The following MUC12 variants were observed in gnomAD, a reference collection of about 807,000 sequenced individuals.
MUC12 encodes mucin 12, cell surface associated, also known as mucin-12.
MUC12 carries 172 observed loss-of-function variants against 230.8 expected under a neutral mutation model. That is an observed-to-expected ratio of 0.75 (90% CI 0.66 to 0.85). The LOEUF is 0.85. Ranked by LOEUF, MUC12 falls within the 40% of genes least tolerant of loss-of-function variation. The pLI, the probability that MUC12 is intolerant of heterozygous loss-of-function variation, is 0.00. For synonymous variants in MUC12, 1,259 were observed against 2,401.9 expected (o/e 0.52, Z 13.91); for missense variants, 3,506 against 5,920.6 (o/e 0.59, Z 13.38).
chr7:100,995,828 C>G lies in MUC12; in HGVS notation c.5265C>G (p.Pro1755=). The G allele has an allele frequency of 4.1e-6, 6 of 1,469,760 alleles. No homozygotes were observed. The highest frequency in any genetic ancestry group is 5.5e-6 in the Non-Finnish European group (6 of 1,095,654). 91.0% of individuals were successfully genotyped at this position (1,469,760 alleles called of 1,614,324 possible). Reference sequence around the variant, plus strand: ...GCCCAGTTGCAACTGCAACAACACCCTCGCCTGCCCGCTCCACAACCTCAG... The same window carrying G: ...GCCCAGTTGCAACTGCAACAACACCGTCGCCTGCCCGCTCCACAACCTCAG... The part of the protein sequence containing the change: ...HSSPVATATT[P]SPARSTTSGL... The change falls in exon 2 of 12, where the codon CCC becomes CCG. Residue 1755 remains proline (P), a synonymous_variant. Transcript: ENST00000536621.
chr7:101,008,307 G>A (rs958741732), intron 3 of MUC12, among the ~76,000 whole-genome samples: 2 of 151,200 alleles, frequency 1.3e-5, no homozygotes, highest in African/African-American at 2.4e-5. Flanking sequence ...TTTTATTTTC[G>A]TGGAGACAGG....
chr7:100,980,068 G>A (rs888879104), intron 1 of MUC12, among the ~76,000 whole-genome samples: 2 of 150,750 alleles, frequency 1.3e-5, no homozygotes, highest in African/African-American at 4.9e-5. Context: ...TTTTTTAGAT[G>A]AGTCTCGCTC....
Position 100,990,621 on chromosome 7 carries a change from C to A in MUC12, c.68-10C>A. 2 of 1,537,326 alleles carry A rather than the reference C, an allele frequency of 1.3e-6. No homozygotes were observed. The highest frequency in any genetic ancestry group is 1.7e-6 in the Non-Finnish European group (2 of 1,146,902). ...TCATAGCACTTTCTCTGGTTTCTCT[C>A]AAATCACAGGCTCAACAGTAAACAC... On this transcript the variant is annotated splice_polypyrimidine_tract_variant and intron_variant, in intron 1 of 11. Coordinates refer to ENST00000536621, the MANE Select transcript of MUC12 (RefSeq NM_001164462.2).
intron 1 of MUC12, among the ~76,000 whole-genome samples, chr7:100,986,714 TCTC>T (rs1793196935): frequency 6.6e-6 from 1 of 152,004 alleles, no homozygotes; most frequent in South Asian, 2.1e-4. Flanking sequence ...GACTGAACCG[TCTC>T]CTCTGCCAGG....
chr7:100,984,782 G>C (rs1286881127), intron 1 of MUC12, among the ~76,000 whole-genome samples: 4 of 152,172 alleles, frequency 2.6e-5, no homozygotes, highest in African/African-American at 4.8e-5. Flanking sequence ...TTATGTTAAA[G>C]ATACTTTTTC....
chr7:101,006,552 C>A lies in MUC12; in HGVS notation c.15038C>A (p.Pro5013His). 2.0e-6 allele frequency: 3 copies of A among 1,536,844 alleles called. No homozygotes were observed. Among genetic ancestry groups the A allele is most frequent in the Non-Finnish European group, 1.7e-6 (2 of 1,146,552 alleles). The part of the protein sequence containing the change: ...QGYVGYQCLS[P>H]LESFPVETPE... ...TACGTTGGTTACCAGTGCTTGTCCCCTCTGGAATCCTTCCCTGTAGGTAAT... is the reference window on the plus strand; with the variant it reads ...TACGTTGGTTACCAGTGCTTGTCCCATCTGGAATCCTTCCCTGTAGGTAAT... The change falls in exon 3 of 12, where the codon CCT (proline) becomes CAT (histidine). Residue 5013 changes from proline (P) to histidine (H), a missense_variant. Transcript: ENST00000536621.
Position 100,992,408 on chromosome 7 carries a change from A to T in MUC12, c.1845A>T (p.Pro615=). The part of the protein sequence containing the change: ...SMPVHSSTRS[P]HTTLSPAGST... ...CCGTCCACAGCAGCACCAGATCGCC[A>T]CACACAACACTGTCCCCTGCCGGCT... Residue 615 remains proline (P), a synonymous_variant, in exon 2 of 12, where the codon CCA becomes CCT. Transcript: ENST00000536621. 1 of 1,537,506 alleles carries T rather than the reference A, an allele frequency of 6.5e-7. No homozygotes were observed. The highest frequency in any genetic ancestry group is 8.7e-7 in the Non-Finnish European group (1 of 1,146,684).
chr7:101,016,036 C>A (rs576275998), intron 10 of MUC12, among the ~76,000 whole-genome samples: 3 of 152,216 alleles, frequency 2.0e-5, no homozygotes, highest in African/African-American at 7.2e-5. Context: ...TCAGATTAGC[C>A]CCCAGGTGAG....
Position 101,006,580 on chromosome 7 carries a change from C to T in MUC12, c.15058+8C>T. ...TGGAATCCTTCCCTGTAGGTAATGACCTTTTCTGAGACCTGCAGCTCTTTG... is the reference window on the plus strand; with the variant it reads ...TGGAATCCTTCCCTGTAGGTAATGATCTTTTCTGAGACCTGCAGCTCTTTG... On this transcript the variant is annotated splice_region_variant and intron_variant, in intron 3 of 11. Coordinates refer to ENST00000536621, the MANE Select transcript of MUC12 (RefSeq NM_001164462.2). 6.6e-7 allele frequency: 1 copy of T among 1,524,442 alleles called. No individual in the cohort carries two copies. The highest frequency in any genetic ancestry group is 8.8e-7 in the Non-Finnish European group (1 of 1,135,370). The allele number at this position is 1,524,442 out of a possible 1,614,324, so 94.4% of individuals were successfully genotyped here. A position where few individuals can be genotyped will look rare whatever the true frequency, so the allele number is the denominator to read the frequency against.
intron 1 of MUC12, among the ~76,000 whole-genome samples, chr7:100,975,058 G>A (rs1792999643): frequency 6.6e-6 from 1 of 152,310 alleles, no homozygotes; most frequent in South Asian, 2.1e-4. Flanking sequence ...GAATGACTGT[G>A]GGGTTTCTGG....
At chr7:101,014,203 G>T in intron 9 of MUC12, 129 bp downstream of exon 9, 1 of 1,150,500 alleles carries the variant, frequency 8.7e-7, no homozygotes. Context: ...AGGCCAGATG[G>T]GGTGCCCAGA....
intron 1 of MUC12, among the ~76,000 whole-genome samples, chr7:100,975,190 ACG>A (rs1793003818): frequency 3.3e-5 from 5 of 152,290 alleles, no homozygotes; most frequent in Non-Finnish European, 7.3e-5. Flanking sequence ...AGGGATCCAC[ACG>A]ATGACTGGAA....
chr7:101,004,774 A>G lies in MUC12; in HGVS notation c.14211A>G (p.Lys4737=). ...CCACAACACCAGGCCTCAGTGCAAA[A>G]TCTACCATCCTTTACAGTAGCTCCA... ...STATTPGLSA[K]STILYSSSRS... Residue 4737 remains lysine (K), a synonymous_variant, in exon 2 of 12, where the codon AAA becomes AAG. Transcript: ENST00000536621. 3 of 1,537,776 alleles carry G rather than the reference A, an allele frequency of 2.0e-6. No individual in the cohort carries two copies. The highest frequency in any genetic ancestry group is 1.4e-5 in the African/African-American group (1 of 73,126).
chr7:100,974,187 A>G (rs78839075), intron 1 of MUC12, among the ~76,000 whole-genome samples: 1 of 132,276 alleles, frequency 7.6e-6, no homozygotes, highest in East Asian at 2.3e-4. Context: ...GTTTTCAGGA[A>G]TTTGACCCAG....
Position 101,004,697 on chromosome 7 carries a change from A to G in MUC12, c.14134A>G (p.Thr4712Ala). The part of the protein sequence containing the change: ...FTTSGRIAES[T>A]TFYISPGSME... ...TACCTCAGGCCGCATTGCAGAATCT[A>G]CCACCTTCTATATCTCTCCAGGCTC... The change falls in exon 2 of 12, where the codon ACC (threonine) becomes GCC (alanine). Residue 4712 changes from threonine (T) to alanine (A), a missense_variant. Transcript: ENST00000536621. The G allele has an allele frequency of 3.9e-6, 6 of 1,537,840 alleles. No individual in the cohort carries two copies. Among genetic ancestry groups the G allele is most frequent in the Non-Finnish European group, 5.2e-6 (6 of 1,147,038 alleles).
intron 5 of MUC12, among the ~76,000 whole-genome samples, chr7:101,010,663 T>G (rs1793828082): frequency 6.6e-6 from 1 of 152,052 alleles, no homozygotes; most frequent in Non-Finnish European, 1.5e-5. Flanking sequence ...TACAGGCACA[T>G]GTCATCACAC....
intron 1 of MUC12, among the ~76,000 whole-genome samples, chr7:100,970,451 C>T (rs974606924): frequency 6.9e-6 from 1 of 144,978 alleles, no homozygotes; most frequent in African/African-American, 2.6e-5. Flanking sequence ...TGTGGCACTG[C>T]ACTCCAGCCT....
At chr7:100,988,564 G>A (rs192900508) in intron 1 of MUC12, among the ~76,000 whole-genome samples, 1 of 152,282 alleles carries the variant, frequency 6.6e-6, no homozygotes, top group African/African-American at 2.4e-5. Context: ...CCTAATAGAG[G>A]TGGCTAGCTC....
Position 101,018,716 on chromosome 7 carries a change from G to T in MUC12, c.*80G>T, listed in dbSNP as rs996507051. On this transcript the variant is annotated 3_prime_UTR_variant, in exon 12 of 12. Transcript: ENST00000536621. The stretch of plus-strand genomic sequence containing the variant: ...AGAGCCCACCACAAGCCTCCGGGGC[G>T]GGTCAAGAGGAGACCGAAGTCAGGC... 2.8e-6 allele frequency: 4 copies of T among 1,409,784 alleles called. No individual in the cohort carries two copies. Among genetic ancestry groups the T allele is most frequent in the East Asian group, 2.7e-5 (1 of 37,340 alleles). 87.3% of individuals were successfully genotyped at this position (1,409,784 alleles called of 1,614,324 possible). A position where few individuals can be genotyped will look rare whatever the true frequency, so the allele number is the denominator to read the frequency against.
Sources: gnomAD v4.1 joint callset for allele counts (sites outside exome capture counted in the v4.1 genomes callset) on GRCh38, gnomAD v4.1.1 for gene constraint, MANE v1.5 for transcripts, NCBI Gene and HGNC (gene_info 2026-07-23, HGNC 2026-07-21) for gene names.